The following GYG1 variants were observed in gnomAD, a reference collection of about 807,000 sequenced individuals.
GYG1 encodes glycogenin-1.
GYG1 carries 44 observed loss-of-function variants against 41.9 expected under a neutral mutation model. That is an observed-to-expected ratio of 1.05 (90% confidence interval 0.83 to 1.35). The LOEUF (loss-of-function observed/expected upper bound fraction) is 1.35. Among genes scored for constraint, GYG1 ranks in the 40% most tolerant of loss-of-function variants. GYG1 has a pLI of 0.00. For missense variants in GYG1, 429 were observed against 418.9 expected (o/e 1.02, Z -0.21); for synonymous variants, 141 against 158.1 (o/e 0.89, Z 0.81).
intron 2 of GYG1, among the ~76,000 whole-genome samples, chr3:148,995,124 C>T (rs368546982): frequency 1.3e-5 from 2 of 152,168 alleles, no homozygotes; most frequent in Non-Finnish European, 2.9e-5. Context: ...GCAGGAGAAT[C>T]GCTTGAACCC....
intron 5 of GYG1, among the ~76,000 whole-genome samples, chr3:149,014,194 C>T (rs967182566): frequency 1.3e-5 from 2 of 151,814 alleles, no homozygotes; most frequent in African/African-American, 4.8e-5. Context: ...CTCTTGGGGC[C>T]CCATTTCACA....
At chr3:149,024,558 T>C (rs1434616408) in intron 6 of GYG1, among the ~76,000 whole-genome samples, 1 of 152,200 alleles carries the variant, frequency 6.6e-6, no homozygotes, top group Non-Finnish European at 1.5e-5. Flanking sequence ...TCTGAAAAGA[T>C]TTTGAGATTA....
intron 4 of GYG1, among the ~76,000 whole-genome samples, chr3:148,997,634 A>G (rs1454140776): frequency 5.9e-5 from 9 of 152,272 alleles, no homozygotes; most frequent in African/African-American, 1.9e-4. Flanking sequence ...ATGTTTTTAA[A>G]AACAAAAACA....
Position 148,991,574 on chromosome 3 carries a change from C to G in GYG1, c.-67C>G. On this transcript the variant is annotated 5_prime_UTR_variant, in exon 1 of 8. Transcript: ENST00000345003. ...TGCCTCCTCGCTGGCCGCGCTCCCT[C>G]CCGGTGCCGGCTTCTCTGAGTCACC... is the stretch of plus-strand genomic sequence containing the variant. 1 of 1,536,504 alleles carries G rather than the reference C, an allele frequency of 6.5e-7. No individual in the cohort carries two copies. Among genetic ancestry groups the G allele is most frequent in the Non-Finnish European group, 8.7e-7 (1 of 1,148,400 alleles).
intron 4 of GYG1, chr3:149,007,877 G>A (rs1161259657): frequency 6.6e-6 from 1 of 152,020 alleles, no homozygotes; most frequent in Non-Finnish European, 1.5e-5. Context: ...CTGGTTCTGA[G>A]TGTGTTTTCT....
At chr3:149,021,477 G>C (rs1454612079) in intron 5 of GYG1, among the ~76,000 whole-genome samples, 1 of 152,130 alleles carries the variant, frequency 6.6e-6, no homozygotes, top group Non-Finnish European at 1.5e-5. Flanking sequence ...ACCTTAAGAG[G>C]AAAGAGCTTT....
In GYG1 at chr3:149,026,449, C is replaced by A; in HGVS notation, c.829-3C>A. ...CTTACACTTTCTAATGAACTGTTTG[C>A]AGCTTTCAGACTTGGTCTATACACT... On this transcript the variant is annotated splice_polypyrimidine_tract_variant and splice_region_variant and intron_variant, in intron 6 of 7. Transcript: ENST00000345003. 6.3e-7 allele frequency: 1 copy of A among 1,588,740 alleles called. No individual in the cohort carries two copies. Among genetic ancestry groups the A allele is most frequent in the Non-Finnish European group, 8.6e-7 (1 of 1,156,870 alleles).
intron 4 of GYG1, among the ~76,000 whole-genome samples, chr3:148,997,346 A>C (rs561606617): frequency 1.3e-5 from 2 of 152,112 alleles, no homozygotes; most frequent in South Asian, 4.1e-4. Flanking sequence ...TTTGGGTCTC[A>C]TTCTCTCAGG....
chr3:149,025,427 G>A (rs1420736180), intron 6 of GYG1, among the ~76,000 whole-genome samples: 6 of 152,152 alleles, frequency 3.9e-5, no homozygotes, highest in East Asian at 1.9e-4. Flanking sequence ...TGTGCTGTGC[G>A]GCCTGGTTCC....
Position 149,029,612 on chromosome 3 carries a change from A to G in GYG1, c.*2679A>G, listed in dbSNP as rs1489359625. ...ACATCAAATGTGCCCTTATATTTTT[A>G]ATGAATCTCATCCAAATGCTAATGC... On this transcript the variant is annotated 3_prime_UTR_variant, in exon 8 of 8. Transcript: ENST00000345003. Among the ~76,000 whole-genome samples the G allele has an allele frequency of 6.6e-6, 1 of 152,262 alleles. No homozygotes were observed. Among genetic ancestry groups the G allele is most frequent in the Non-Finnish European group, 1.5e-5 (1 of 68,048 alleles).
chr3:149,010,032 A>C (rs1465790250), intron 5 of GYG1, among the ~76,000 whole-genome samples: 1 of 152,200 alleles, frequency 6.6e-6, no homozygotes, highest in South Asian at 2.1e-4. Context: ...GGTCTACCCA[A>C]CTGCTCAGTA....
intron 5 of GYG1, among the ~76,000 whole-genome samples, chr3:149,016,688 A>G (rs180811675): frequency 6.6e-6 from 1 of 152,116 alleles, no homozygotes; most frequent in Admixed American, 6.5e-5. Context: ...TGGGATATGC[A>G]CCCTTTGTGT....
Position 148,996,881 on chromosome 3 carries a change from C to T in GYG1, c.458C>T (p.Ala153Val). 6.2e-7 allele frequency: 1 copy of T among 1,613,668 alleles called. No homozygotes were observed. The highest frequency in any genetic ancestry group is 1.7e-4 in the Middle Eastern group (1 of 6,060). Residue 153 changes from alanine to valine, a missense_variant, in exon 4 of 8, where the codon GCT (alanine) becomes GTT (valine). Ala to Val is a moderately conservative substitution (Grantham distance 64). Coordinates refer to ENST00000345003, the MANE Select transcript of GYG1 (RefSeq NM_004130.4). ...ACATACAATCAGCTGTTGCATCTTG[C>T]TTCTGAGCAAGGTAGTTTTGATGGT... ...VETYNQLLHL[A>V]SEQGSFDGGD...
At chr3:149,012,458 C>T (rs956029445) in intron 5 of GYG1, among the ~76,000 whole-genome samples, 2 of 152,092 alleles carry the variant, frequency 1.3e-5, no homozygotes, top group African/African-American at 2.4e-5. Context: ...CTAGGATGTC[C>T]CCAAAGCAGT....
chr3:149,020,038 G>GC (rs2107916924), intron 5 of GYG1, among the ~76,000 whole-genome samples: 1 of 152,292 alleles, frequency 6.6e-6, no homozygotes, highest in African/African-American at 2.4e-5. Context: ...AGAGACAGGA[G>GC]CTGGGGAGGC....
Position 148,992,931 on chromosome 3 carries a change from C to T in GYG1, c.8-1211C>T, listed in dbSNP as rs73009588. Among the ~76,000 whole-genome samples the T allele has an allele frequency of 1.6e-3, 237 of 152,022 alleles. 1 individual carries two copies. Among genetic ancestry groups the T allele is most frequent in the African/African-American group, 5.6e-3 (231 of 41,436 alleles). ...CGCTGGCCCACTAGGCAACCCACAACTTCCTCTCATGTCTCGGTGGAATTT... is the reference window on the plus strand; with the variant it reads ...CGCTGGCCCACTAGGCAACCCACAATTTCCTCTCATGTCTCGGTGGAATTT... On this transcript the variant is annotated intron_variant, in intron 1 of 7. Coordinates refer to ENST00000345003, the MANE Select transcript of GYG1 (RefSeq NM_004130.4).
At position 148,991,630 on chromosome 3, in the gene GYG1, C is replaced by G. The variant is rs747356160; in HGVS notation, c.-11C>G. On this transcript the variant is annotated 5_prime_UTR_variant, in exon 1 of 8. Coordinates refer to ENST00000345003, the MANE Select transcript of GYG1 (RefSeq NM_004130.4). ...GAGGCTGCCCCGGCCGCCTGCGCAC[C>G]CGGCAGCACCATGACAGGTACCGCC... The G allele has an allele frequency of 4.5e-6, 7 of 1,553,884 alleles. No individual in the cohort carries two copies. In the East Asian group the frequency reaches 1.2e-4, roughly 27 times the overall value.
chr3:149,020,914 T>G (rs1329045125), intron 5 of GYG1, among the ~76,000 whole-genome samples: 1 of 152,162 alleles, frequency 6.6e-6, no homozygotes, highest in Non-Finnish European at 1.5e-5. Flanking sequence ...TCTTATGTAC[T>G]CTGTTTCGGT....
rs370652040 is a variant in GYG1 at position 148,994,280 on chromosome 3, G to C, written c.143+3G>C. 551 of 1,613,998 alleles carry C rather than the reference G, an allele frequency of 3.4e-4. No homozygotes were observed. The highest frequency in any genetic ancestry group is 4.5e-4 in the Non-Finnish European group (526 of 1,179,878). ...CCTCAGGTCTCAGACTCCATGAGGT[G>C]AGGACCTCGCTGCCACCCCAGCATC... is the stretch of plus-strand genomic sequence containing the variant. On this transcript the variant is annotated splice_donor_region_variant and intron_variant, in intron 2 of 7. Coordinates refer to ENST00000345003, the MANE Select transcript of GYG1 (RefSeq NM_004130.4).
Sources: allele counts gnomAD v4.1 joint callset (sites outside exome capture counted in the v4.1 genomes callset), GRCh38; gene constraint gnomAD v4.1.1; transcripts MANE v1.5; gene names NCBI Gene and HGNC (gene_info 2026-07-23, HGNC 2026-07-21).